The following MAML2 variants were observed in gnomAD, a reference collection of about 807,000 sequenced individuals.
The protein encoded by MAML2 is mastermind-like protein 2.
Under a neutral mutation model 96.1 loss-of-function variants are expected in MAML2, and 22 were observed. That is an observed-to-expected ratio of 0.23 (90% CI 0.16 to 0.33). MAML2 has a LOEUF of 0.33. Among genes scored for constraint, MAML2 ranks in the 10% least tolerant of loss-of-function variants. The pLI is 1.00. For synonymous variants in MAML2, 561 were observed against 521.3 expected (o/e 1.08, Z -1.04); for missense variants, 1,367 against 1,392.4 (o/e 0.98, Z 0.29).
intron 1 of MAML2, among the ~76,000 whole-genome samples, chr11:96,138,086 C>G (rs77716194): frequency 0.032 from 4,856 of 152,236 alleles, 278 homozygotes; most frequent in African/African-American, 0.11. Context: ...AAGTCCTTCA[C>G]ATATTTAGGC....
chr11:96,335,336 G>C lies in MAML2; in HGVS notation c.513+6047C>G, dbSNP rs193069121. Among the ~76,000 whole-genome samples, 359 of 152,166 alleles carry C rather than the reference G, an allele frequency of 2.4e-3. 1 individual carries two copies. Among genetic ancestry groups the C allele is most frequent in the Non-Finnish European group, 3.7e-3 (250 of 68,020 alleles). On this transcript the variant is annotated intron_variant, in intron 1 of 4. Coordinates refer to ENST00000524717, the MANE Select transcript of MAML2 (RefSeq NM_032427.4). ...AGTATACAGGCAAACTCATTTGTTG[G>C]GAAGACTGATTTACACATCAAGAGA...
chr11:96,029,694 C>T lies in MAML2; in HGVS notation c.2140-37971G>A, dbSNP rs554974146. On this transcript the variant is annotated intron_variant, in intron 2 of 4. Transcript: ENST00000524717. ...TCCTATTCTCTCCATGGACTGGAAA[C>T]TCCCACCATTTGTCATTCACTGGCT... Among the ~76,000 whole-genome samples the T allele has an allele frequency of 3.3e-5, 5 of 152,302 alleles. No individual in the cohort carries two copies. The South Asian group carries it at 6.2e-4, about 19-fold the overall frequency.
intron 1 of MAML2, among the ~76,000 whole-genome samples, chr11:96,172,509 T>TA (rs1319486887): frequency 6.6e-6 from 1 of 152,230 alleles, no homozygotes; most frequent in Non-Finnish European, 1.5e-5. Flanking sequence ...CACGTCCTCT[T>TA]ACGCGAGAAG....
chr11:96,035,898 T>G (rs1488369988), intron 2 of MAML2, among the ~76,000 whole-genome samples: 2 of 152,180 alleles, frequency 1.3e-5, no homozygotes, highest in African/African-American at 4.8e-5. Flanking sequence ...ATAACCTCTC[T>G]GATACACGTG....
At chr11:96,045,166 A>G (rs777158317) in intron 2 of MAML2, among the ~76,000 whole-genome samples, 5 of 152,228 alleles carry the variant, frequency 3.3e-5, no homozygotes, top group Admixed American at 1.3e-4. Context: ...GTTTTCCTGT[A>G]TCTGGTGATT....
At chr11:96,233,086 T>C (rs1191143396) in intron 1 of MAML2, among the ~76,000 whole-genome samples, 1 of 149,676 alleles carries the variant, frequency 6.7e-6, no homozygotes, top group Non-Finnish European at 1.5e-5. Context: ...ACTAATGCAA[T>C]GAAAACATTT....
intron 1 of MAML2, among the ~76,000 whole-genome samples, chr11:96,135,332 A>C (rs775549460): frequency 1.6e-4 from 24 of 152,146 alleles, no homozygotes; most frequent in Non-Finnish European, 2.9e-4. Context: ...ATTCTTAATA[A>C]ATTACCCAGT....
intron 1 of MAML2, among the ~76,000 whole-genome samples, chr11:96,339,965 A>C (rs1863969888): frequency 6.6e-6 from 1 of 152,214 alleles, no homozygotes. Context: ...CAAGGGTAAA[A>C]CTGTAAACCC....
intron 2 of MAML2, among the ~76,000 whole-genome samples, chr11:95,997,875 C>T (rs777586924): frequency 2.0e-5 from 3 of 152,078 alleles, no homozygotes; most frequent in Non-Finnish European, 2.9e-5. Flanking sequence ...TGCTCTTTTA[C>T]TCTGAGAATG....
At chr11:96,072,464 A>G (rs757843015) in intron 2 of MAML2, among the ~76,000 whole-genome samples, 23 of 152,258 alleles carry the variant, frequency 1.5e-4, no homozygotes, top group Non-Finnish European at 3.1e-4. Context: ...AATTTCTCTT[A>G]CATATATAAA....
intron 1 of MAML2, among the ~76,000 whole-genome samples, chr11:96,122,911 A>AT (rs1860374948): frequency 6.6e-6 from 1 of 152,244 alleles, no homozygotes; most frequent in Non-Finnish European, 1.5e-5. Flanking sequence ...AGCAGGTCTA[A>AT]TACCCACTTG....
intron 1 of MAML2, among the ~76,000 whole-genome samples, chr11:96,112,571 A>G (rs1208194661): frequency 6.6e-6 from 1 of 152,260 alleles, no homozygotes; most frequent in East Asian, 1.9e-4. Flanking sequence ...ACGAAGTACT[A>G]ACAGGATATA....
intron 1 of MAML2, among the ~76,000 whole-genome samples, chr11:96,106,379 G>A (rs10765789): frequency 0.3 from 45,943 of 152,048 alleles, 7,550 homozygotes; most frequent in Middle Eastern, 0.47. Flanking sequence ...CTCAGAACAC[G>A]CTTATGAATT....
intron 1 of MAML2, among the ~76,000 whole-genome samples, chr11:96,171,096 T>C (rs1277610403): frequency 6.6e-6 from 1 of 152,080 alleles, no homozygotes; most frequent in African/African-American, 2.4e-5. Context: ...CTTTCCTCTC[T>C]CTTACCTCCA....
chr11:96,004,699 A>T (rs1448992864), intron 2 of MAML2, among the ~76,000 whole-genome samples: 1 of 152,228 alleles, frequency 6.6e-6, no homozygotes, highest in East Asian at 1.9e-4. Flanking sequence ...GGCAAATTAT[A>T]CAATTTTGTA....
At chr11:96,111,032 GA>G (rs2135832236) in intron 1 of MAML2, among the ~76,000 whole-genome samples, 1 of 152,216 alleles carries the variant, frequency 6.6e-6, no homozygotes, top group East Asian at 1.9e-4. Flanking sequence ...CTCCATCAAA[GA>G]AAATATAGTC....
chr11:96,281,647 G>T (rs945194150), intron 1 of MAML2, among the ~76,000 whole-genome samples: 2 of 151,708 alleles, frequency 1.3e-5, no homozygotes, highest in Non-Finnish European at 2.9e-5. Flanking sequence ...GAAGTAGAGG[G>T]GATCACCAGT....
intron 1 of MAML2, among the ~76,000 whole-genome samples, chr11:96,319,019 A>G (rs979896734): frequency 2.0e-5 from 3 of 152,224 alleles, no homozygotes; most frequent in African/African-American, 7.2e-5. Context: ...AGAATACGGC[A>G]GAAGAGAAAA....
chr11:96,163,921 G>A (rs1033722588), intron 1 of MAML2, among the ~76,000 whole-genome samples: 2 of 149,664 alleles, frequency 1.3e-5, no homozygotes, highest in African/African-American at 4.9e-5. Context: ...GGAGTGCAAT[G>A]GTGTGATCTC....
Sources: gnomAD v4.1 joint callset for allele counts (sites outside exome capture counted in the v4.1 genomes callset) on GRCh38, gnomAD v4.1.1 for gene constraint, MANE v1.5 for transcripts, NCBI Gene and HGNC (gene_info 2026-07-23, HGNC 2026-07-21) for gene names.